The following RNF38 variants were observed in gnomAD, a reference collection of about 807,000 sequenced individuals.
RNF38 encodes E3 ubiquitin-protein ligase RNF38.
Under a neutral mutation model 67.2 loss-of-function variants are expected in RNF38, and 15 were observed. The ratio of observed to expected loss-of-function variants is 0.22; its 90% CI spans 0.15 to 0.34. The LOEUF (loss-of-function observed/expected upper bound fraction) is 0.34. Among genes scored for constraint, RNF38 ranks in the 10% least tolerant of loss-of-function variants. The pLI, the probability that RNF38 is intolerant of heterozygous loss-of-function variation, is 1.00. For synonymous variants in RNF38, 220 were observed against 218.8 expected (o/e 1.01, Z -0.05); for missense variants, 524 against 639.9 (o/e 0.82, Z 1.95).
intron 4 of RNF38, among the ~76,000 whole-genome samples, chr9:36,360,335 C>A (rs999493113): frequency 1.3e-5 from 2 of 152,076 alleles, no homozygotes; most frequent in African/African-American, 4.8e-5. Context: ...TTGAATATAT[C>A]AACCTTACCA....
chr9:36,388,149 A>AAG (rs1408472977), intron 2 of RNF38, among the ~76,000 whole-genome samples: 2 of 152,136 alleles, frequency 1.3e-5, no homozygotes, highest in Non-Finnish European at 2.9e-5. Flanking sequence ...AAGGATACTG[A>AAG]AGAGAGATGT....
chr9:36,422,943 G>A (rs569692225), intron 2 of RNF38, among the ~76,000 whole-genome samples: 5 of 152,264 alleles, frequency 3.3e-5, no homozygotes, highest in South Asian at 2.1e-4. Context: ...GAGACAACCC[G>A]GAGGGCAGTC....
chr9:36,366,472 T>TA (rs890270146), intron 4 of RNF38, among the ~76,000 whole-genome samples: 1 of 151,988 alleles, frequency 6.6e-6, no homozygotes, highest in Non-Finnish European at 1.5e-5. Context: ...ATTCTGGTAT[T>TA]AAAAAAAATA....
rs1001667724 is a variant in RNF38, at chr9:36,412,549, G to A, written n.312+12064C>T. Reference sequence around the variant, plus strand: ...TTCGTGGGAGGTATCTGGATTTTGCGGGTGGATCCCTTATGAATGGCTTAG... The same window carrying A: ...TTCGTGGGAGGTATCTGGATTTTGCAGGTGGATCCCTTATGAATGGCTTAG... On this transcript the variant is annotated intron_variant and non_coding_transcript_variant, in intron 2 of 3. Coordinates refer to the RNF38 transcript ENST00000488058. Among the ~76,000 whole-genome samples the A allele has an allele frequency of 3.3e-5, 5 of 152,194 alleles. 1 individual carries two copies. The South Asian group carries it at 6.2e-4, about 19-fold the overall frequency.
intron 1 of RNF38, among the ~76,000 whole-genome samples, chr9:36,442,557 G>A (rs1399646165): frequency 6.6e-6 from 1 of 152,154 alleles, no homozygotes; most frequent in Admixed American, 6.5e-5. Flanking sequence ...CGAGGCGGGC[G>A]GATCATGAGG....
chr9:36,487,321 T>A, exon 1 of RNF38: 3 of 985,084 alleles, frequency 3.0e-6, no homozygotes, highest in Non-Finnish European at 3.6e-6. Flanking sequence ...CTCCCGGCGC[T>A]CGGCCGCAGG....
At chr9:36,434,633 C>T (rs1839021096) in intron 1 of RNF38, among the ~76,000 whole-genome samples, 1 of 152,160 alleles carries the variant, frequency 6.6e-6, no homozygotes, top group African/African-American at 2.4e-5. Flanking sequence ...AGGTGATCTG[C>T]CCATCTCAGC....
intron 1 of RNF38, chr9:36,487,197 C>T: frequency 2.9e-6 from 2 of 693,214 alleles, no homozygotes; most frequent in Non-Finnish European, 3.6e-6. Flanking sequence ...CTGACCCGGA[C>T]AACGCTCCTC....
At chr9:36,423,730 ACGAGGTCAGG>A (rs1838690940) in intron 2 of RNF38, among the ~76,000 whole-genome samples, 1 of 26,568 alleles carries the variant, frequency 3.8e-5, no homozygotes, top group Non-Finnish European at 1.1e-4. Context: ...CGGGCGGATC[ACGAGGTCAGG>A]AAATCGAGAC....
chr9:36,386,756 A>G (rs1184955713), intron 2 of RNF38, among the ~76,000 whole-genome samples: 1 of 152,228 alleles, frequency 6.6e-6, no homozygotes, highest in Admixed American at 6.5e-5. Context: ...CACCAGCACC[A>G]TGACAGTTTA....
At chr9:36,354,155 TCAATCC>T (rs1465143054) in intron 6 of RNF38, among the ~76,000 whole-genome samples, 14 of 152,162 alleles carry the variant, frequency 9.2e-5, no homozygotes, top group African/African-American at 3.4e-4. Flanking sequence ...CCATTATCAG[TCAATCC>T]CCATTTCCCC....
chr9:36,438,692 C>T (rs1301914580), intron 1 of RNF38, among the ~76,000 whole-genome samples: 1 of 152,058 alleles, frequency 6.6e-6, no homozygotes, highest in Non-Finnish European at 1.5e-5. Flanking sequence ...TTTACTTATA[C>T]AAAGCTAAAA....
chr9:36,339,569 TC>T lies in RNF38; in HGVS notation c.*182del, dbSNP rs1832693223. The stretch of plus-strand genomic sequence containing the variant: ...TCCAATCACACGGTTAGTATAACAA[TC>T]CCATAACTGTGAAGACTAATTGTAA... On this transcript the variant is annotated 3_prime_UTR_variant, in exon 12 of 12. Transcript: ENST00000259605. 4 of 558,314 alleles carry T rather than the reference TC, an allele frequency of 7.2e-6. No homozygotes were observed. The South Asian group carries it at 1.0e-4, about 14-fold the overall frequency. The allele number at this position is 558,314 out of a possible 1,614,324, so 34.6% of individuals were successfully genotyped here. A position where few individuals can be genotyped will look rare whatever the true frequency, so the allele number is the denominator to read the frequency against.
chr9:36,383,061 T>C (rs567977498), intron 2 of RNF38, among the ~76,000 whole-genome samples: 92 of 152,278 alleles, frequency 6.0e-4, no homozygotes, highest in African/African-American at 2.1e-3. Context: ...AGAAGATGGA[T>C]ATAAGCTGGG....
intron 2 of RNF38, among the ~76,000 whole-genome samples, chr9:36,385,061 T>C (rs532683724): frequency 1.3e-5 from 2 of 152,284 alleles, no homozygotes; most frequent in African/African-American, 4.8e-5. Context: ...AATTGTTCTA[T>C]GCTATGGTAG....
intron 1 of RNF38, among the ~76,000 whole-genome samples, chr9:36,481,254 A>T (rs1320642117): frequency 1.3e-5 from 2 of 151,976 alleles, no homozygotes; most frequent in African/African-American, 4.8e-5. Flanking sequence ...AGCTCAGGTG[A>T]TCCACCCGCC....
intron 1 of RNF38, among the ~76,000 whole-genome samples, chr9:36,475,512 C>T (rs988228215): frequency 6.6e-6 from 1 of 151,662 alleles, no homozygotes; most frequent in African/African-American, 2.4e-5. Flanking sequence ...CGCCCACCAC[C>T]ACACCTGGCT....
At chr9:36,375,752 G>A (rs1470402568) in intron 3 of RNF38, among the ~76,000 whole-genome samples, 182 bp downstream of exon 3, 11 of 152,146 alleles carry the variant, frequency 7.2e-5, no homozygotes, top group African/African-American at 2.7e-4. Context: ...TCAATGATAA[G>A]CTAAATAAAC....
chr9:36,349,898 C>T (rs139026678), intron 9 of RNF38, among the ~76,000 whole-genome samples: 5 of 152,214 alleles, frequency 3.3e-5, no homozygotes, highest in East Asian at 3.9e-4. Flanking sequence ...TCACTCAGCC[C>T]GGAGTACAAT....
Sources: allele counts gnomAD v4.1 joint callset (sites outside exome capture counted in the v4.1 genomes callset), GRCh38; gene constraint gnomAD v4.1.1; transcripts MANE v1.5; gene names NCBI Gene and HGNC (gene_info 2026-07-23, HGNC 2026-07-21).